The following CRLF3 variants were observed in gnomAD, a reference collection of about 807,000 sequenced individuals.
CRLF3 encodes the protein cytokine receptor-like factor 3.
Under a neutral mutation model 55.0 loss-of-function variants are expected in CRLF3, and 33 were observed. The ratio of observed to expected loss-of-function variants is 0.60; its 90% CI spans 0.46 to 0.80. The LOEUF (loss-of-function observed/expected upper bound fraction) is 0.80, where lower values mean the gene tolerates loss of function less well. CRLF3 is among the 30% of genes least tolerant of loss of function. The pLI, the probability that CRLF3 is intolerant of heterozygous loss-of-function variation, is 0.00. For missense variants in CRLF3, 494 were observed against 538.4 expected (o/e 0.92, Z 0.82); for synonymous variants, 238 against 196.8 (o/e 1.21, Z -1.75).
intron 1 of CRLF3, among the ~76,000 whole-genome samples, chr17:30,813,042 CCTAT>C (rs1466934042): frequency 2.0e-5 from 3 of 152,164 alleles, no homozygotes; most frequent in Admixed American, 2.0e-4. Context: ...AGGAGAACTA[CCTAT>C]CTGAGCCCCA....
At chr17:30,786,136 T>G in intron 6 of CRLF3, 105 bp from the exon 7 acceptor site, 1 of 688,816 alleles carries the variant, frequency 1.5e-6, no homozygotes, top group Non-Finnish European at 2.6e-6. Flanking sequence ...AATTGTTTTT[T>G]TCTAAATAGT....
At chr17:30,812,633 ATTCACAT>A (rs1225708016) in intron 1 of CRLF3, among the ~76,000 whole-genome samples, 1 of 152,164 alleles carries the variant, frequency 6.6e-6, no homozygotes, top group Non-Finnish European at 1.5e-5. Flanking sequence ...TGAACCAGGA[ATTCACAT>A]TTCCAACTAC....
At chr17:30,796,497 T>C (rs186147523) in intron 3 of CRLF3, among the ~76,000 whole-genome samples, 160 bp from the exon 4 acceptor site, 1 of 152,296 alleles carries the variant, frequency 6.6e-6, no homozygotes, top group East Asian at 1.9e-4. Context: ...AAGATTCTCT[T>C]TTCAAATAAA....
At chr17:30,795,839 AGCAGGAGAATG>A (rs1296047985) in intron 4 of CRLF3, among the ~76,000 whole-genome samples, 1 of 151,996 alleles carries the variant, frequency 6.6e-6, no homozygotes, top group East Asian at 1.9e-4. Flanking sequence ...AGGAGGCCGA[AGCAGGAGAATG>A]GCTTGAACCC....
chr17:30,797,291 A>C lies in CRLF3; in HGVS notation c.425+20T>G, dbSNP rs1567662724. 1.3e-6 allele frequency: 2 copies of C among 1,578,688 alleles called. No homozygotes were observed. The highest frequency in any genetic ancestry group is 1.7e-6 in the Non-Finnish European group (2 of 1,147,788). Reference sequence around the variant, plus strand: ...GTTTAAATGCTTAAAAGTAAGTCAAAAAGGCACAAACTCTTTTACCTGTCC... The same window carrying C: ...GTTTAAATGCTTAAAAGTAAGTCAACAAGGCACAAACTCTTTTACCTGTCC... On this transcript the variant is annotated intron_variant, in intron 3 of 7. Coordinates refer to ENST00000324238, the MANE Select transcript of CRLF3 (RefSeq NM_015986.4).
chr17:30,795,246 C>G lies in CRLF3; in HGVS notation c.603+914G>C, dbSNP rs571716902. On this transcript the variant is annotated intron_variant, in intron 4 of 7. Coordinates refer to ENST00000324238, the MANE Select transcript of CRLF3 (RefSeq NM_015986.4). ...CTGTAATCCCAGCACTTTGGGAGGC[C>G]GAGGTGGGCAGATCACCTGAGGTCG... is the stretch of plus-strand genomic sequence containing the variant. 2.6e-5 allele frequency among the ~76,000 whole-genome samples: 4 copies of G among 152,036 alleles called. No individual in the cohort carries two copies. In the South Asian group the frequency reaches 8.3e-4, roughly 32 times the overall value.
At chr17:30,807,508 TTTTC>T (rs1221710798) in intron 1 of CRLF3, among the ~76,000 whole-genome samples, 9 of 144,858 alleles carry the variant, frequency 6.2e-5, no homozygotes, top group Admixed American at 1.4e-4. Context: ...ATAGAAACAA[TTTTC>T]TTTCCTTTTT....
chr17:30,784,379 A>G lies in CRLF3; in HGVS notation c.1137T>C (p.Thr379=). 6.2e-7 allele frequency: 1 copy of G among 1,613,770 alleles called. No individual in the cohort carries two copies. Among genetic ancestry groups the G allele is most frequent in the Non-Finnish European group, 8.5e-7 (1 of 1,179,610 alleles). ...TCACGGCTTCAATGTCAAACGTGACAGTGGACCCAGAAGTAACTGCGGGTA... is the reference window on the plus strand; with the variant it reads ...TCACGGCTTCAATGTCAAACGTGACGGTGGACCCAGAAGTAACTGCGGGTA... ...NQLPAVTSGS[T]VTFDIEAVTL... Residue 379 remains threonine, a synonymous_variant, in exon 8 of 8, where the codon ACT becomes ACC. Transcript: ENST00000324238.
At chr17:30,791,229 T>C (rs1205404986) in intron 6 of CRLF3, among the ~76,000 whole-genome samples, 3 of 151,754 alleles carry the variant, frequency 2.0e-5, no homozygotes, top group Non-Finnish European at 2.9e-5. Context: ...CACTACCACA[T>C]CCAGCTAATT....
At chr17:30,800,216 T>C (rs1246710381) in intron 2 of CRLF3, among the ~76,000 whole-genome samples, 2 of 152,194 alleles carry the variant, frequency 1.3e-5, no homozygotes, top group Non-Finnish European at 2.9e-5. Context: ...TGGTGACCCT[T>C]AGCGTTCTAA....
chr17:30,793,634 C>T lies in CRLF3; in HGVS notation c.642G>A (p.Gln214=). ...DDFTAQDYRL[Q]FRKCTSNHFE... is the part of the protein sequence containing the mutation. ...AATGATTTGAAGTACATTTACGAAACTGGAGCCTGTAATCTTGGGCTGTAA... is the reference window on the plus strand; with the variant it reads ...AATGATTTGAAGTACATTTACGAAATTGGAGCCTGTAATCTTGGGCTGTAA... Residue 214 remains glutamine, a synonymous_variant, in exon 5 of 8, where the codon CAG becomes CAA. Coordinates refer to ENST00000324238, the MANE Select transcript of CRLF3 (RefSeq NM_015986.4). 2.5e-6 allele frequency: 4 copies of T among 1,614,006 alleles called. No homozygotes were observed. The highest frequency in any genetic ancestry group is 2.2e-5 in the South Asian group (2 of 91,074).
Position 30,804,094 on chromosome 17 carries a change from T to G in CRLF3, c.144A>C (p.Ala48=). The G allele has an allele frequency of 6.2e-7, 1 of 1,611,660 alleles. No individual in the cohort carries two copies. The highest frequency in any genetic ancestry group is 8.5e-7 in the Non-Finnish European group (1 of 1,178,388). The change falls in exon 2 of 8, where the codon GCA becomes GCC. Residue 48 remains alanine, a synonymous_variant. Coordinates refer to ENST00000324238, the MANE Select transcript of CRLF3 (RefSeq NM_015986.4). ...GTTTGAGAACATCCCTTGTCTGTGA[T>G]GCACTTTCTTTGATCTAAAAAGAAA... ...REARRQIKES[A]SQTRDVLKQH...
intron 1 of CRLF3, 46 bp downstream of exon 1, chr17:30,824,477 C>A (rs768422282): frequency 6.5e-7 from 1 of 1,531,624 alleles, no homozygotes. Flanking sequence ...CCGGCATCCG[C>A]GCCACCCCCG....
At chr17:30,788,381 G>GA (rs146255535) in intron 6 of CRLF3, among the ~76,000 whole-genome samples, 18,657 of 149,786 alleles carry the variant, frequency 0.12, 1,251 homozygotes, top group South Asian at 0.25. Flanking sequence ...AAAAAAATCA[G>GA]AAAATCTTAG....
At chr17:30,787,826 C>A (rs1971683580) in intron 6 of CRLF3, 1 of 151,858 alleles carries the variant, frequency 6.6e-6, no homozygotes, top group Non-Finnish European at 1.5e-5. Context: ...CATGGTGAAA[C>A]CCCGTATCTA....
chr17:30,789,635 C>T (rs1184650916), intron 6 of CRLF3, among the ~76,000 whole-genome samples: 1 of 152,178 alleles, frequency 6.6e-6, no homozygotes, highest in Non-Finnish European at 1.5e-5. Flanking sequence ...TAAATAACTT[C>T]TCTATGCCTC....
chr17:30,791,040 T>A (rs1440345275), intron 6 of CRLF3: 1 of 152,230 alleles, frequency 6.6e-6, no homozygotes, highest in Non-Finnish European at 1.5e-5. Flanking sequence ...TGCCTCAGCC[T>A]CCTGAGTGGC....
In CRLF3 at chr17:30,784,002, T is replaced by C. The variant is rs1350195861; in HGVS notation, c.*185A>G. On this transcript the variant is annotated 3_prime_UTR_variant, in exon 8 of 8. Transcript: ENST00000324238. ...ATGCTAAAAATAAAATTGACTGAAT[T>C]GTATGATTTTGTCCACAACATTGAA... 18 of 549,950 alleles carry C rather than the reference T, an allele frequency of 3.3e-5. No individual in the cohort carries two copies. Among genetic ancestry groups the C allele is most frequent in the Non-Finnish European group, 5.4e-5 (17 of 312,516 alleles). The allele number at this position is 549,950 out of a possible 1,614,324, so 34.1% of individuals were successfully genotyped here.
At chr17:30,789,993 GTTTT>G (rs1009140367) in intron 6 of CRLF3, among the ~76,000 whole-genome samples, 1 of 145,616 alleles carries the variant, frequency 6.9e-6, no homozygotes, top group South Asian at 2.2e-4. Context: ...GGTATTAGTT[GTTTT>G]TTTTTTTCCT....
Sources: gnomAD v4.1 joint callset for allele counts (sites outside exome capture counted in the v4.1 genomes callset) on GRCh38, gnomAD v4.1.1 for gene constraint, MANE v1.5 for transcripts, NCBI Gene and HGNC (gene_info 2026-07-23, HGNC 2026-07-21) for gene names.